The following SPAG16 variants were observed in gnomAD, a reference collection of about 807,000 sequenced individuals.
SPAG16 encodes sperm-associated antigen 16 protein.
SPAG16 carries 86 observed loss-of-function variants against 80.4 expected under a neutral mutation model. The observed-to-expected ratio is 1.07, with a 90% confidence interval of 0.90 to 1.28. The LOEUF (loss-of-function observed/expected upper bound fraction) is 1.28. SPAG16 is among the 50% of genes most tolerant of loss of function. The pLI is 0.00. For missense variants in SPAG16, 870 were observed against 765.3 expected (o/e 1.14, Z -1.61); for synonymous variants, 294 against 265.9 (o/e 1.11, Z -1.03).
intron 10 of SPAG16, among the ~76,000 whole-genome samples, chr2:213,508,823 C>T (rs1258292447): frequency 2.6e-5 from 4 of 151,654 alleles, no homozygotes; most frequent in Non-Finnish European, 5.9e-5. Flanking sequence ...TGTTAAATGA[C>T]GAGTTACTGG....
intron 12 of SPAG16, among the ~76,000 whole-genome samples, chr2:213,966,326 CT>C (rs1394761900): frequency 6.6e-6 from 1 of 151,984 alleles, no homozygotes; most frequent in Non-Finnish European, 1.5e-5. Context: ...GGAGTATTCC[CT>C]TTGTATAATT....
chr2:214,360,863 C>A (rs1458229567), intron 15 of SPAG16, among the ~76,000 whole-genome samples: 1 of 151,722 alleles, frequency 6.6e-6, no homozygotes, highest in East Asian at 1.9e-4. Context: ...AGCTTAAATA[C>A]CCTCTTTCTG....
chr2:213,940,383 C>T (rs907744485), intron 12 of SPAG16, among the ~76,000 whole-genome samples: 2 of 152,116 alleles, frequency 1.3e-5, no homozygotes, highest in African/African-American at 2.4e-5. Context: ...AACTCTTGGT[C>T]TCAAGCAATC....
intron 10 of SPAG16, among the ~76,000 whole-genome samples, chr2:213,677,660 T>A (rs1456626308): frequency 6.6e-6 from 1 of 151,988 alleles, no homozygotes; most frequent in Non-Finnish European, 1.5e-5. Context: ...CTCCCACACA[T>A]TAATAATGGG....
intron 10 of SPAG16, among the ~76,000 whole-genome samples, chr2:213,856,206 T>C (rs1372259051): frequency 6.6e-6 from 1 of 152,164 alleles, no homozygotes; most frequent in Non-Finnish European, 1.5e-5. Flanking sequence ...CATTAAACGT[T>C]AAAATTCCAA....
intron 13 of SPAG16, among the ~76,000 whole-genome samples, chr2:214,062,253 C>T (rs1038158672): frequency 3.3e-5 from 5 of 151,732 alleles, no homozygotes; most frequent in Non-Finnish European, 7.4e-5. Context: ...AACCACATCT[C>T]TATTAAAAAT....
intron 12 of SPAG16, among the ~76,000 whole-genome samples, chr2:213,954,622 C>G (rs1471471226): frequency 1.6e-4 from 24 of 151,956 alleles, no homozygotes; most frequent in Admixed American, 1.6e-3. Context: ...AGGTTTTAAG[C>G]CCTGCATACA....
chr2:213,954,264 A>G (rs913759194), intron 12 of SPAG16, among the ~76,000 whole-genome samples: 2 of 151,184 alleles, frequency 1.3e-5, no homozygotes, highest in African/African-American at 2.4e-5. Flanking sequence ...TGAGCATTTT[A>G]TATAAATGGA....
At chr2:214,152,480 C>A (rs994409985) in intron 15 of SPAG16, among the ~76,000 whole-genome samples, 1 of 152,116 alleles carries the variant, frequency 6.6e-6, no homozygotes, top group Non-Finnish European at 1.5e-5. Context: ...AACGTGGACT[C>A]AAAGGGATAA....
At chr2:214,358,476 T>C (rs984626907) in intron 15 of SPAG16, among the ~76,000 whole-genome samples, 2 of 152,086 alleles carry the variant, frequency 1.3e-5, no homozygotes, top group South Asian at 4.1e-4. Flanking sequence ...TCTCACATAA[T>C]CTGTACATTA....
chr2:213,958,600 T>C (rs2044265602), intron 12 of SPAG16, among the ~76,000 whole-genome samples: 1 of 152,182 alleles, frequency 6.6e-6, no homozygotes, highest in South Asian at 2.1e-4. Flanking sequence ...CAGTTGCTGA[T>C]GTTCCAAAAT....
chr2:213,372,660 C>T (rs1575409071), intron 8 of SPAG16, among the ~76,000 whole-genome samples: 2 of 152,082 alleles, frequency 1.3e-5, no homozygotes, highest in South Asian at 4.1e-4. Flanking sequence ...TCTAACCAAT[C>T]TCCTCATTTT....
chr2:214,193,671 T>C (rs143906562), intron 15 of SPAG16, among the ~76,000 whole-genome samples: 82 of 152,172 alleles, frequency 5.4e-4, no homozygotes, highest in African/African-American at 1.9e-3. Flanking sequence ...GTGTGTCAAG[T>C]TGCTGACAAA....
Position 213,605,268 on chromosome 2 carries a change from A to AT in SPAG16, c.1070+115194dup, listed in dbSNP as rs34856658. 2.0e-3 allele frequency among the ~76,000 whole-genome samples: 273 copies of AT among 139,332 alleles called. 1 individual carries two copies. The highest frequency in any genetic ancestry group is 4.1e-3 in the South Asian group (18 of 4,418). 91.4% of individuals were successfully genotyped at this position (139,332 alleles called of 152,430 possible). A position where few individuals can be genotyped will look rare whatever the true frequency, so the allele number is the denominator to read the frequency against. On this transcript the variant is annotated intron_variant, in intron 10 of 15. Coordinates refer to ENST00000331683, the MANE Select transcript of SPAG16 (RefSeq NM_024532.5). ...TTCATCTATAAATACTTTGGAATGC[A>AT]TTTTTTTTTTTTTTTTGAGATGGAG...
chr2:213,396,061 G>A (rs183999324), intron 9 of SPAG16, among the ~76,000 whole-genome samples: 28 of 152,188 alleles, frequency 1.8e-4, no homozygotes, highest in African/African-American at 6.5e-4. Flanking sequence ...GTTTATTCCT[G>A]TGGCAGTAGC....
intron 5 of SPAG16, among the ~76,000 whole-genome samples, chr2:213,333,562 A>G (rs1329435152): frequency 1.3e-5 from 2 of 152,196 alleles, no homozygotes; most frequent in Non-Finnish European, 2.9e-5. Flanking sequence ...CTAAGCAAAG[A>G]GAACAAAACC....
intron 15 of SPAG16, among the ~76,000 whole-genome samples, chr2:214,320,733 G>GA (rs1696037640): frequency 6.6e-6 from 1 of 152,098 alleles, no homozygotes; most frequent in Non-Finnish European, 1.5e-5. Context: ...CAGCATGGGG[G>GA]AAACTGCACC....
chr2:214,022,805 C>T (rs2047944629), intron 13 of SPAG16, among the ~76,000 whole-genome samples: 1 of 152,010 alleles, frequency 6.6e-6, no homozygotes, highest in Non-Finnish European at 1.5e-5. Context: ...ACTTTTATTT[C>T]TTTTCCTTTC....
chr2:213,686,714 T>G (rs560295134), intron 10 of SPAG16, among the ~76,000 whole-genome samples: 1 of 127,020 alleles, frequency 7.9e-6, no homozygotes, highest in Non-Finnish European at 1.6e-5. Context: ...TGAGACAGAG[T>G]CTCGCTCTGT....
Sources: allele counts gnomAD v4.1 joint callset (sites outside exome capture counted in the v4.1 genomes callset), GRCh38; gene constraint gnomAD v4.1.1; transcripts MANE v1.5; gene names NCBI Gene and HGNC (gene_info 2026-07-23, HGNC 2026-07-21).